The following DYNLT3 variants were observed in gnomAD, a reference collection of about 807,000 sequenced individuals.
The protein encoded by DYNLT3 is protein 91/23.
A neutral mutation model predicts 11.0 loss-of-function variants in DYNLT3; 4 were observed. The observed-to-expected ratio is 0.36, with a 90% CI of 0.18 to 0.83. DYNLT3 has a LOEUF of 0.83. DYNLT3 is among the 40% of genes least tolerant of loss of function. The probability of loss-of-function intolerance (pLI) is 0.47; values close to 1 mark genes in which losing one functional copy is unlikely to be tolerated. For synonymous variants in DYNLT3, 37 were observed against 31.2 expected (o/e 1.18, Z -0.61); for missense variants, 91 against 91.1 (o/e 1.00, Z 0.01).
rs752452838 is a variant in DYNLT3 at position 37,847,564 on chromosome X, C to G, written c.-54G>C. ...CGACACGCCGGTAGAGCACCGCGGC[C>G]GCGCACTGGCCTCCGGGGAGGCCCC... On this transcript the variant is annotated 5_prime_UTR_variant, in exon 1 of 5. Coordinates refer to ENST00000378578, the MANE Select transcript of DYNLT3 (RefSeq NM_006520.3). The G allele has an allele frequency of 3.2e-6, 3 of 950,731 alleles. No individual in the cohort carries two copies. In the African/African-American group the frequency reaches 6.1e-5, roughly 19 times the overall value. The allele number at this position is 950,731 out of a possible 1,213,427, so 78.4% of individuals were successfully genotyped here. A position where few individuals can be genotyped will look rare whatever the true frequency, so the allele number is the denominator to read the frequency against.
In DYNLT3 at chrX:37,841,883, C is replaced by T; in HGVS notation, c.95G>A (p.Gly32Asp). ...GATGTTGTTGTGATTATAATCTTCA[C>T]CACCTAAAACCCCATCTACACACTA... Reference protein sequence around the residue: ...VKECVDGVLGGEDYNHNNINQ... With the variant: ...VKECVDGVLGDEDYNHNNINQ... Residue 32 changes from glycine to aspartate, a missense_variant, in exon 3 of 5, where the codon GGT (glycine) becomes GAT (aspartate). Gly to Asp is a moderately conservative substitution (Grantham distance 94, BLOSUM62 -1). Coordinates refer to ENST00000378578, the MANE Select transcript of DYNLT3 (RefSeq NM_006520.3). The T allele has an allele frequency of 8.7e-7, 1 of 1,146,200 alleles. No homozygotes were observed. Among genetic ancestry groups the T allele is most frequent in the Non-Finnish European group, 1.2e-6 (1 of 851,149 alleles). The allele number at this position is 1,146,200 out of a possible 1,213,427, so 94.5% of individuals were successfully genotyped here. A position where few individuals can be genotyped will look rare whatever the true frequency, so the allele number is the denominator to read the frequency against.
At chrX:37,840,733 C>G (rs113015411) in intron 4 of DYNLT3, 82 bp from the exon 5 acceptor site, 3 of 519,161 alleles carry the variant, frequency 5.8e-6, no homozygotes, top group Non-Finnish European at 6.0e-6. Flanking sequence ...TACACACACA[C>G]ACACACACAC....
At chrX:37,840,767 C>A (rs5964201) in intron 4 of DYNLT3, 116 bp from the exon 5 acceptor site, 4 of 329,491 alleles carry the variant, frequency 1.2e-5, no homozygotes, top group African/African-American at 5.1e-5. Flanking sequence ...CACACACACA[C>A]ACACACACAC....
chrX:37,846,160 G>C (rs534157663), intron 2 of DYNLT3, among the ~76,000 whole-genome samples, 157 bp downstream of exon 2: 1 of 112,162 alleles, frequency 8.9e-6, no homozygotes, highest in Admixed American at 9.4e-5. Flanking sequence ...GACAGAGCGA[G>C]ACTCCATCTC....
intron 4 of DYNLT3, 67 bp from the exon 5 acceptor site, chrX:37,840,718 A>G (rs1188372145): frequency 1.6e-6 from 1 of 638,924 alleles, no homozygotes; most frequent in Non-Finnish European, 2.3e-6. Context: ...ATATATATAT[A>G]TATATACACA....
chrX:37,840,735 C>A (rs1210938851), intron 4 of DYNLT3, 84 bp from the exon 5 acceptor site: 4 of 526,050 alleles, frequency 7.6e-6, no homozygotes, highest in African/African-American at 2.7e-5. Context: ...CACACACACA[C>A]ACACACACAC....
rs781056190 is a variant in DYNLT3 at position 37,841,013 on chromosome X, C to T, written c.274+15G>A. On this transcript the variant is annotated intron_variant, in intron 4 of 4. Transcript: ENST00000378578. ...AAAAGTTGGATTTTGTGTAAATCAG[C>T]TTAAGATCTCTTACCATCAGATGTG... 8.3e-7 allele frequency: 1 copy of T among 1,205,457 alleles called. No homozygotes were observed. Among genetic ancestry groups the T allele is most frequent in the African/African-American group, 1.8e-5 (1 of 56,719 alleles).
At chrX:37,847,220 C>T (rs1369178785) in intron 1 of DYNLT3, 6 of 1,011,371 alleles carry the variant, frequency 5.9e-6, no homozygotes, top group Middle Eastern at 3.8e-4. Flanking sequence ...CCAAGTCAGG[C>T]CTCGTCCTCC....
In DYNLT3 at chrX:37,841,792, A is replaced by G. The variant is rs138075306; in HGVS notation, c.186T>C (p.Tyr62=). The change falls in exon 3 of 5, where the codon TAT becomes TAC. Residue 62 remains tyrosine, a synonymous_variant. Transcript: ENST00000378578. ...GATACTGATACTTACCAATATATTT[A>G]TAGGCTTTTCCCAACTTAACCAGGT... ...LTHLVKLGKA[Y]KYIVTCAVVQ... 2.6e-6 allele frequency: 3 copies of G among 1,171,239 alleles called. No individual in the cohort carries two copies. The African/African-American group carries it at 5.3e-5, about 21-fold the overall frequency.
At chrX:37,846,251 A>G (rs1413371952) in intron 2 of DYNLT3, 66 bp downstream of exon 2, 9 of 1,090,089 alleles carry the variant, frequency 8.3e-6, no homozygotes, top group Non-Finnish European at 1.1e-5. Context: ...CTGAAACTCA[A>G]AATATAGCTT....
Position 37,840,757 on chromosome X carries a change from C to CACAA in DYNLT3, c.275-107_275-106insTTGT, listed in dbSNP as rs1274816941. ...ACACACACACACACACATATACACACACACACACACACACACACACACACA... is the reference window on the plus strand; with the variant it reads ...ACACACACACACACACATATACACACACAAACACACACACACACACACACACACA... On this transcript the variant is annotated intron_variant, in intron 4 of 4. Transcript: ENST00000378578. 1.4e-3 allele frequency: 389 copies of CACAA among 283,167 alleles called. 4 individuals carry two copies. The African/African-American group carries it at 0.017, about 13-fold the overall frequency. The allele number at this position is 283,167 out of a possible 1,213,427, so 23.3% of individuals were successfully genotyped here. A position where few individuals can be genotyped will look rare whatever the true frequency, so the allele number is the denominator to read the frequency against.
rs780433184 is a variant in DYNLT3, at chrX:37,842,420, T to C, written c.73-515A>G. ...TTCTCATTCATACTATGTGATTGTT[T>C]AGCTATGAAACAACAACTGATTATA... On this transcript the variant is annotated intron_variant, in intron 2 of 4. Coordinates refer to ENST00000378578, the MANE Select transcript of DYNLT3 (RefSeq NM_006520.3). Among the ~76,000 whole-genome samples the C allele has an allele frequency of 1.5e-4, 16 of 109,952 alleles. No individual in the cohort carries two copies. In the Admixed American group the frequency reaches 1.5e-3, roughly 10 times the overall value.
chrX:37,847,289 G>A, intron 1 of DYNLT3, 192 bp downstream of exon 1: 4 of 885,055 alleles, frequency 4.5e-6, no homozygotes, highest in East Asian at 7.3e-5. Flanking sequence ...CTCCCACCCC[G>A]AATCTCAGGA....
At chrX:37,840,751 TACACACACACACAC>T (rs748163046) in intron 4 of DYNLT3, 100 bp from the exon 5 acceptor site, 9 of 316,150 alleles carry the variant, frequency 2.8e-5, no homozygotes, top group Non-Finnish European at 4.8e-5. Context: ...CACACACATA[TACACACACACACAC>T]ACACACACAC....
chrX:37,840,747 CAT>C (rs1228011722), intron 4 of DYNLT3, 96 bp from the exon 5 acceptor site: 15 of 426,934 alleles, frequency 3.5e-5, no homozygotes, highest in East Asian at 8.8e-5. Context: ...CACACACACA[CAT>C]ATACACACAC....
At position 37,839,832 on chromosome X, in the gene DYNLT3, C is replaced by T. The variant is rs1407019038; in HGVS notation, c.*743G>A. On this transcript the variant is annotated 3_prime_UTR_variant, in exon 5 of 5. Coordinates refer to ENST00000378578, the MANE Select transcript of DYNLT3 (RefSeq NM_006520.3). ...AGCAGAGACATATGCCCATAATAGG[C>T]ATCTGATAAATGTTTGTTCCACATG... 1 of 112,298 alleles carries T rather than the reference C, an allele frequency of 8.9e-6. No individual in the cohort carries two copies. Among genetic ancestry groups the T allele is most frequent in the Admixed American group, 9.5e-5 (1 of 10,539 alleles). 9.3% of individuals were successfully genotyped at this position (112,298 alleles called of 1,213,427 possible). A position where few individuals can be genotyped will look rare whatever the true frequency, so the allele number is the denominator to read the frequency against.
rs11544207 is a variant in DYNLT3 at position 37,841,854 on chromosome X, G to C, written c.124C>G (p.Gln42Glu). 4.3e-6 allele frequency: 5 copies of C among 1,161,103 alleles called. No individual in the cohort carries two copies. The highest frequency in any genetic ancestry group is 2.3e-6 in the Non-Finnish European group (2 of 862,354). ...GEDYNHNNIN[Q>E]WTASIVEQSL... ...TGTTCCACTATGCTTGCAGTCCACT[G>C]GTTGATGTTGTTGTGATTATAATCT... The change falls in exon 3 of 5, where the codon CAG becomes GAG. Residue 42 changes from glutamine (Q) to glutamate (E), a missense_variant. Transcript: ENST00000378578.
At chrX:37,843,183 A>T (rs1375898656) in intron 2 of DYNLT3, among the ~76,000 whole-genome samples, 1 of 112,590 alleles carries the variant, frequency 8.9e-6, no homozygotes, top group Non-Finnish European at 1.9e-5. Context: ...ATAACATGAC[A>T]AAGTAGGAAG....
At position 37,840,443 on chromosome X, in the gene DYNLT3, T is replaced by C; in HGVS notation, c.*132A>G. ...GATATTGCTTGCTTATAATATTCAG[T>C]TTTTGTTGATAGCTTTAAAGCATAT... On this transcript the variant is annotated 3_prime_UTR_variant, in exon 5 of 5. Transcript: ENST00000378578. 4.3e-6 allele frequency: 2 copies of C among 466,167 alleles called. No homozygotes were observed. The highest frequency in any genetic ancestry group is 6.7e-6 in the Non-Finnish European group (2 of 299,849). The allele number at this position is 466,167 out of a possible 1,213,427, so 38.4% of individuals were successfully genotyped here.
Sources: gnomAD v4.1 joint callset for allele counts (sites outside exome capture counted in the v4.1 genomes callset) on GRCh38, gnomAD v4.1.1 for gene constraint, MANE v1.5 for transcripts, NCBI Gene and HGNC (gene_info 2026-07-23, HGNC 2026-07-21) for gene names.